The following TSPAN11 variants were observed in gnomAD, a reference collection of about 807,000 sequenced individuals.
TSPAN11 encodes the protein tetraspanin 11.
TSPAN11 carries 29 observed loss-of-function variants against 32.9 expected under a neutral mutation model. The ratio of observed to expected loss-of-function variants is 0.88; its 90% confidence interval spans 0.66 to 1.20. The LOEUF is 1.20. Among genes scored for constraint, TSPAN11 ranks in the 50% most tolerant of loss-of-function variants. The pLI is 0.00. For missense variants in TSPAN11, 283 were observed against 329.1 expected (o/e 0.86, Z 1.08); for synonymous variants, 140 against 141.3 (o/e 0.99, Z 0.07).
Position 30,944,116 on chromosome 12 carries a change from A to T in TSPAN11, c.-11-9865A>T, listed in dbSNP as rs1218271618. 2.6e-5 allele frequency among the ~76,000 whole-genome samples: 4 copies of T among 151,904 alleles called. 1 individual carries two copies. Among genetic ancestry groups the T allele is most frequent in the Non-Finnish European group, 5.9e-5 (4 of 67,958 alleles). The stretch of plus-strand genomic sequence containing the variant: ...TTGTGGAGAGTTTTCTTTTTTTTTT[A>T]AATGACAGATAAAACTGTATGTATT... On this transcript the variant is annotated intron_variant, in intron 1 of 7. Transcript: ENST00000546076.
intron 3 of TSPAN11, among the ~76,000 whole-genome samples, chr12:30,971,671 G>A (rs1777794170): frequency 6.6e-6 from 1 of 152,076 alleles, no homozygotes; most frequent in Non-Finnish European, 1.5e-5. Context: ...GATCGCTTGA[G>A]CCCAGGAGTT....
At chr12:30,964,711 A>G (rs913893651) in intron 3 of TSPAN11, among the ~76,000 whole-genome samples, 1 of 152,218 alleles carries the variant, frequency 6.6e-6, no homozygotes, top group Non-Finnish European at 1.5e-5. Flanking sequence ...AAAACATGAT[A>G]ACATTACCAT....
chr12:30,976,616 C>T (rs1273192396), intron 3 of TSPAN11, among the ~76,000 whole-genome samples: 1 of 152,190 alleles, frequency 6.6e-6, no homozygotes, highest in East Asian at 1.9e-4. Context: ...CCTTCAACCA[C>T]ACTCCTCCCC....
chr12:30,987,692 G>A (rs907247266), intron 7 of TSPAN11, among the ~76,000 whole-genome samples: 3 of 152,198 alleles, frequency 2.0e-5, no homozygotes, highest in Non-Finnish European at 4.4e-5. Flanking sequence ...CAGTGTATTC[G>A]TGAAGCTCTC....
intron 1 of TSPAN11, among the ~76,000 whole-genome samples, chr12:30,936,824 G>A (rs549154834): frequency 6.6e-6 from 1 of 152,168 alleles, no homozygotes; most frequent in Non-Finnish European, 1.5e-5. Context: ...GGAGGTGGAT[G>A]GAGTTGGGCA....
chr12:30,982,130 C>T (rs762334361), intron 5 of TSPAN11, among the ~76,000 whole-genome samples: 4 of 152,278 alleles, frequency 2.6e-5, no homozygotes, highest in Admixed American at 1.3e-4. Flanking sequence ...TCTGTCCCCA[C>T]GTCCTGACCC....
chr12:30,927,118 C>T (rs1937814750), intron 1 of TSPAN11: 6 of 1,023,528 alleles, frequency 5.9e-6, no homozygotes, highest in South Asian at 4.3e-5. Flanking sequence ...GGCCTCGTGC[C>T]GTCCAGCGTG....
chr12:30,962,424 G>A (rs1370686010), intron 2 of TSPAN11, among the ~76,000 whole-genome samples: 1 of 152,244 alleles, frequency 6.6e-6, no homozygotes, highest in Non-Finnish European at 1.5e-5. Context: ...CTTGGGCACA[G>A]TCTTATTCTC....
At chr12:30,983,756 G>A (rs775338625) in intron 7 of TSPAN11, among the ~76,000 whole-genome samples, 9 of 152,114 alleles carry the variant, frequency 5.9e-5, no homozygotes, top group South Asian at 2.1e-4. Context: ...GCGATATATC[G>A]ACTGTTTACG....
chr12:31,011,160 G>A, the TSPAN11 span, among the ~76,000 whole-genome samples: 1 of 152,196 alleles, frequency 6.6e-6, no homozygotes, highest in South Asian at 2.1e-4. Context: ...TTGGGAGGAC[G>A]AGGAGGGCAG....
At chr12:30,982,739 C>A in intron 6 of TSPAN11, 49 bp downstream of exon 6, 1 of 1,512,356 alleles carries the variant, frequency 6.6e-7, no homozygotes, top group South Asian at 1.2e-5. Flanking sequence ...CCTGGCCTGG[C>A]CGTTCAGGAG....
At chr12:30,957,258 G>A (rs1366528633) in intron 2 of TSPAN11, among the ~76,000 whole-genome samples, 1 of 120,344 alleles carries the variant, frequency 8.3e-6, no homozygotes, top group African/African-American at 3.0e-5. Flanking sequence ...ATGGTCTTCT[G>A]CCCCTCTGTG....
chr12:30,926,844 C>A, intron 1 of TSPAN11, 48 bp downstream of exon 1: 1 of 947,508 alleles, frequency 1.1e-6, no homozygotes, highest in Non-Finnish European at 1.4e-6. Flanking sequence ...CGGGAGGGGG[C>A]TGGGGGTCCA....
intron 1 of TSPAN11, 39 bp from the exon 2 acceptor site, chr12:30,953,942 C>T (rs553819612): frequency 4.7e-6 from 7 of 1,495,850 alleles, no homozygotes; most frequent in East Asian, 2.3e-5. Context: ...AGGTGGTTCT[C>T]GGTGATTCCC....
chr12:30,942,066 G>A (rs1042561197), intron 1 of TSPAN11, among the ~76,000 whole-genome samples: 5 of 152,166 alleles, frequency 3.3e-5, no homozygotes, highest in African/African-American at 1.2e-4. Flanking sequence ...AGGCCGGTGG[G>A]CTGAGGGGCA....
the TSPAN11 span, among the ~76,000 whole-genome samples, chr12:31,007,196 T>G: frequency 6.6e-6 from 1 of 152,194 alleles, no homozygotes; most frequent in Non-Finnish European, 1.5e-5. Context: ...CTTACCCATT[T>G]TTTTTCCCCA....
chr12:30,947,112 A>G (rs1436635995), intron 1 of TSPAN11, among the ~76,000 whole-genome samples: 5 of 152,188 alleles, frequency 3.3e-5, no homozygotes, highest in Non-Finnish European at 7.3e-5. Flanking sequence ...AGGGGCAGAT[A>G]AGCCCACATC....
chr12:30,927,125 C>G, intron 1 of TSPAN11: 1 of 943,444 alleles, frequency 1.1e-6, no homozygotes. Flanking sequence ...TGCCGTCCAG[C>G]GTGCCCGGGG....
At chr12:31,007,804 G>A in the TSPAN11 span, among the ~76,000 whole-genome samples, 1 of 152,090 alleles carries the variant, frequency 6.6e-6, no homozygotes, top group African/African-American at 2.4e-5. Flanking sequence ...ACTTCGTCTC[G>A]GGGAGCAGGG....
Sources: gnomAD v4.1 joint callset for allele counts (sites outside exome capture counted in the v4.1 genomes callset) on GRCh38, gnomAD v4.1.1 for gene constraint, MANE v1.5 for transcripts, NCBI Gene and HGNC (gene_info 2026-07-23, HGNC 2026-07-21) for gene names.